TSPAN4: variants seen among roughly 807,000 people sequenced by gnomAD.
The protein encoded by TSPAN4 is tetraspanin 4, also known as tetraspanin-4.
In TSPAN4, 38 loss-of-function variants were observed where a neutral mutation model predicts 31.5. The ratio of observed to expected loss-of-function variants is 1.21; its 90% CI spans 0.93 to 1.58. The LOEUF is 1.58. Ranked by LOEUF, TSPAN4 falls within the 40% of genes most tolerant of loss-of-function variation. TSPAN4 has a pLI of 0.00. For synonymous variants in TSPAN4, 186 were observed against 144.6 expected, an observed-to-expected ratio of 1.29 and a Z score of -2.06; for missense variants, 330 against 317.3, an observed-to-expected ratio of 1.04 and a Z score of -0.30.
chr11:845,327 G>C (rs550875471), intron 1 of TSPAN4, among the ~76,000 whole-genome samples: 7 of 152,320 alleles, frequency 4.6e-5, no homozygotes, highest in African/African-American at 1.7e-4. Context: ...CACGCCGTCC[G>C]TGTCCTCTCT....
chr11:843,544 C>T (rs1234792228), intron 1 of TSPAN4: 1 of 152,266 alleles, frequency 6.6e-6, no homozygotes, highest in Non-Finnish European at 1.5e-5. Context: ...CCCCTGAAGG[C>T]CTCAGCTCTG....
At chr11:863,210 G>A (rs898849641) in intron 4 of TSPAN4, 1 of 157,028 alleles carries the variant, frequency 6.4e-6, no homozygotes, top group South Asian at 2.0e-4. Flanking sequence ...TCGCCTCGGG[G>A]ATGGACTTAC....
chr11:862,534 T>G lies in TSPAN4; in HGVS notation c.64-16T>G. The G allele has an allele frequency of 6.3e-7, 1 of 1,594,298 alleles. No homozygotes were observed. Among genetic ancestry groups the G allele is most frequent in the Non-Finnish European group, 8.5e-7 (1 of 1,172,246 alleles). ...GGCCTCACCCTGTCTGTGTCTCTCCTGTTGCTGTGCCCCAGCTGGGAGGCT... is the reference window on the plus strand; with the variant it reads ...GGCCTCACCCTGTCTGTGTCTCTCCGGTTGCTGTGCCCCAGCTGGGAGGCT... On this transcript the variant is annotated splice_polypyrimidine_tract_variant and intron_variant, in intron 3 of 8. Coordinates refer to ENST00000397397, the MANE Select transcript of TSPAN4 (RefSeq NM_003271.5).
chr11:850,898 G>T (rs1349343594), intron 3 of TSPAN4, among the ~76,000 whole-genome samples: 3 of 152,246 alleles, frequency 2.0e-5, no homozygotes, highest in African/African-American at 7.2e-5. Flanking sequence ...GTCGCCGGGA[G>T]GCGCTGCGGA....
Position 848,741 on chromosome 11 carries a change from T to C in TSPAN4, c.-18+1441T>C. On this transcript the variant is annotated intron_variant, in intron 2 of 8. Coordinates refer to ENST00000397397, the MANE Select transcript of TSPAN4 (RefSeq NM_003271.5). This position sits in a 1 kb window ranked among gnomAD's most constrained non-coding sequence, Gnocchi z 5.7. Reference sequence around the variant, plus strand: ...TGGGCTTCAGGTCATCTGCCAGGAATCTGGGCCACGTGCTGATATCTTCCC... The same window carrying C: ...TGGGCTTCAGGTCATCTGCCAGGAACCTGGGCCACGTGCTGATATCTTCCC... The C allele has an allele frequency of 1.9e-6, 1 of 522,502 alleles. No homozygotes were observed. The highest frequency in any genetic ancestry group is 3.6e-5 in the Admixed American group (1 of 27,422). The allele number at this position is 522,502 out of a possible 1,614,324, so 32.4% of individuals were successfully genotyped here.
intron 3 of TSPAN4, among the ~76,000 whole-genome samples, chr11:860,469 G>A (rs1160015085): frequency 6.6e-6 from 1 of 152,218 alleles, no homozygotes; most frequent in African/African-American, 2.4e-5. Flanking sequence ...AGGTGAGCGT[G>A]CACACGAGGA....
intron 1 of TSPAN4, among the ~76,000 whole-genome samples, chr11:846,447 C>T (rs913117641): frequency 1.3e-5 from 2 of 152,200 alleles, no homozygotes; most frequent in African/African-American, 2.4e-5. Context: ...TCCCTCCTGC[C>T]CTTGGGCTAC....
At chr11:850,038 TCCAGCAC>T in intron 2 of TSPAN4, 1 of 259,554 alleles carries the variant, frequency 3.9e-6, no homozygotes, top group African/African-American at 2.3e-5. Flanking sequence ...GATGCGCCGC[TCCAGCAC>T]GGACGAGTCC....
chr11:864,797 T>G, intron 5 of TSPAN4: 1 of 534,720 alleles, frequency 1.9e-6, no homozygotes, highest in Non-Finnish European at 3.4e-6. Flanking sequence ...AGCCGTCTGC[T>G]CCCAGCGCCC....
At chr11:865,406 CAA>C (rs1848711730) in intron 5 of TSPAN4, 105 bp from the exon 6 acceptor site, 1 of 859,848 alleles carries the variant, frequency 1.2e-6, no homozygotes, top group Non-Finnish European at 1.9e-6. Context: ...GCGGGGGACA[CAA>C]GACCAGGCGC....
chr11:855,019 T>A (rs1847969773), intron 3 of TSPAN4, among the ~76,000 whole-genome samples: 2 of 152,160 alleles, frequency 1.3e-5, no homozygotes, highest in Admixed American at 6.5e-5. Context: ...TCCCTGTGGG[T>A]GGGGAGCAGC....
chr11:854,183 C>T (rs556496476), intron 3 of TSPAN4, among the ~76,000 whole-genome samples: 11 of 152,316 alleles, frequency 7.2e-5, no homozygotes, highest in African/African-American at 1.4e-4. Context: ...GCTGTCCTCC[C>T]GCCCTCCTGG....
chr11:848,720 C>T lies in TSPAN4; in HGVS notation c.-18+1420C>T. ...CCCTTCCTCATTCCCCACCTCTGGG[C>T]TTCAGGTCATCTGCCAGGAATCTGG... On this transcript the variant is annotated intron_variant, in intron 2 of 8. Coordinates refer to ENST00000397397, the MANE Select transcript of TSPAN4 (RefSeq NM_003271.5). The surrounding 1 kb of genome is among the most constrained non-coding windows in gnomAD (Gnocchi z 5.7). The T allele has an allele frequency of 3.8e-6, 2 of 526,568 alleles. No homozygotes were observed. The highest frequency in any genetic ancestry group is 7.3e-5 in the Admixed American group (2 of 27,578). The allele number at this position is 526,568 out of a possible 1,614,324, so 32.6% of individuals were successfully genotyped here. A position where few individuals can be genotyped will look rare whatever the true frequency, so the allele number is the denominator to read the frequency against.
chr11:850,767 C>T (rs188987924), intron 3 of TSPAN4, among the ~76,000 whole-genome samples: 150 of 152,352 alleles, frequency 9.8e-4, no homozygotes, highest in African/African-American at 3.4e-3. Context: ...CTCCTCTGCG[C>T]CCGCTCCCTC....
Position 855,645 on chromosome 11 carries a change from G to C in TSPAN4, c.63+5278G>C, listed in dbSNP as rs368115284. On this transcript the variant is annotated intron_variant, in intron 3 of 8. Transcript: ENST00000397397. ...CTCCTAGGGTCAGGGGTGAGGGAAC[G>C]GAGGACAGATGGGGATGTGGAAACA... Among the ~76,000 whole-genome samples, 7 of 152,342 alleles carry C rather than the reference G, an allele frequency of 4.6e-5. No homozygotes were observed. In the East Asian group the frequency reaches 9.7e-4, roughly 21 times the overall value.
Position 850,383 on chromosome 11 carries a change from G to T in TSPAN4, c.63+16G>T. The stretch of plus-strand genomic sequence containing the variant: ...GCTCTTCTGGGTGAGTCCGGGGGCC[G>T]GGGTGGGGGCCCGGGAAAGACCCGG... On this transcript the variant is annotated intron_variant, in intron 3 of 8. Transcript: ENST00000397397. 6.3e-7 allele frequency: 1 copy of T among 1,595,740 alleles called. No individual in the cohort carries two copies. The highest frequency in any genetic ancestry group is 8.5e-7 in the Non-Finnish European group (1 of 1,176,342).
At chr11:852,616 T>C (rs889643744) in intron 3 of TSPAN4, among the ~76,000 whole-genome samples, 1 of 152,198 alleles carries the variant, frequency 6.6e-6, no homozygotes, top group African/African-American at 2.4e-5. Context: ...TGCTGTGCCC[T>C]GAGTCACTGT....
At chr11:858,920 T>A (rs1377709483) in intron 3 of TSPAN4, among the ~76,000 whole-genome samples, 14 of 62,872 alleles carry the variant, frequency 2.2e-4, no homozygotes, top group South Asian at 1.2e-3. Flanking sequence ...ACCCCAGCTC[T>A]CACGCACCCC....
At chr11:853,921 G>A (rs563442564) in intron 3 of TSPAN4, among the ~76,000 whole-genome samples, 6 of 152,298 alleles carry the variant, frequency 3.9e-5, no homozygotes, top group African/African-American at 1.4e-4. Context: ...GAGCCTGAGC[G>A]AGGTGTCCTG....
Sources: gnomAD v4.1 joint callset for allele counts (sites outside exome capture counted in the v4.1 genomes callset) on GRCh38, gnomAD v4.1.1 for gene constraint, Gnocchi (gnomAD v3.1) non-coding constraint, MANE v1.5 for transcripts, NCBI Gene and HGNC (gene_info 2026-07-23, HGNC 2026-07-21) for gene names.